The following BSCL2 variants were observed in gnomAD, a reference collection of about 807,000 sequenced individuals.
The protein encoded by BSCL2 is BSCL2 lipid droplet biogenesis associated, seipin.
BSCL2 carries 41 observed loss-of-function variants against 57.4 expected under a neutral mutation model. The ratio of observed to expected loss-of-function variants is 0.71; its 90% CI spans 0.56 to 0.93. BSCL2 has a LOEUF of 0.93. Among genes scored for constraint, BSCL2 ranks in the 40% least tolerant of loss-of-function variants. BSCL2 has a pLI of 0.00. For missense variants in BSCL2, 539 were observed against 586.7 expected (o/e 0.92, Z 0.84); for synonymous variants, 237 against 227.3 (o/e 1.04, Z -0.38).
At chr11:62,708,251 C>A, upstream of BSCL2, 1 of 1,241,386 alleles carries the variant, frequency 8.1e-7, no homozygotes, top group Non-Finnish European at 1.2e-6. Flanking sequence ...TGGAGGGGGG[C>A]CTCCAGCTGA....
chr11:62,694,670 AAGC>A lies in BSCL2; in HGVS notation c.525_527del (p.Glu175_Leu176delinsAsp). 6.2e-7 allele frequency: 1 copy of A among 1,613,838 alleles called. No individual in the cohort carries two copies. On this transcript the variant is annotated inframe_deletion, in exon 4 of 11. Coordinates refer to ENST00000360796, the MANE Select transcript of BSCL2 (RefSeq NM_001122955.4). ...GATTCACAGGGGACTCTGGCAGCTC[AAGC>A]TCTAAGGTAACACGATACGGCTGTC...
At position 62,698,038 on chromosome 11, in the gene BSCL2, G is replaced by C. The variant is rs546739635; in HGVS notation, c.487-3327C>G. Among the ~76,000 whole-genome samples, 415 of 150,860 alleles carry C rather than the reference G, an allele frequency of 2.8e-3. 3 individuals carry two copies. Among genetic ancestry groups the C allele is most frequent in the Middle Eastern group, 6.9e-3 (2 of 288 alleles). ...TTCTCCTGCCTCAGTCTCCCGAGTA[G>C]CTAGGACTACAGGCGCCCGCCACCA... On this transcript the variant is annotated intron_variant, in intron 3 of 10. Coordinates refer to ENST00000360796, the MANE Select transcript of BSCL2 (RefSeq NM_001122955.4).
At position 62,702,485 on chromosome 11, in the gene BSCL2, TAGTC is replaced by T; in HGVS notation, c.465_468del (p.Thr156ArgfsTer8). The T allele has an allele frequency of 3.7e-6, 6 of 1,612,652 alleles. No individual in the cohort carries two copies. Among genetic ancestry groups the T allele is most frequent in the Non-Finnish European group, 4.2e-6 (5 of 1,178,972 alleles). ...ATACTCACCCGATCACGTCCACCCT[TAGTC>T]AGCGAGACATTGGCAACAGGGAAGG... On this transcript the variant is annotated frameshift_variant, in exon 3 of 11. Coordinates refer to ENST00000360796, the MANE Select transcript of BSCL2 (RefSeq NM_001122955.4). LOFTEE classifies it high-confidence loss of function.
intron 6 of BSCL2, among the ~76,000 whole-genome samples, chr11:62,691,852 C>T (rs1945318852): frequency 6.6e-6 from 1 of 152,130 alleles, no homozygotes; most frequent in Admixed American, 6.5e-5. Flanking sequence ...AGATTGAGAC[C>T]ATCCTGGCTA....
intron 2 of BSCL2, among the ~76,000 whole-genome samples, chr11:62,703,781 C>T (rs745579664): frequency 5.3e-5 from 8 of 151,972 alleles, no homozygotes; most frequent in Admixed American, 2.6e-4. Flanking sequence ...TTGATTATAA[C>T]GCCCTTCTCT....
intron 2 of BSCL2, among the ~76,000 whole-genome samples, chr11:62,704,814 C>T (rs1945768284): frequency 6.6e-6 from 1 of 152,174 alleles, no homozygotes; most frequent in Non-Finnish European, 1.5e-5. Context: ...CCAGTCAAGA[C>T]GCAAGACTCT....
chr11:62,694,694 C>T lies in BSCL2; in HGVS notation c.504G>A (p.Gln168=), dbSNP rs1225920604. The T allele has an allele frequency of 8.7e-6, 14 of 1,614,140 alleles. No individual in the cohort carries two copies. Among genetic ancestry groups the T allele is most frequent in the Non-Finnish European group, 1.2e-5 (14 of 1,180,014 alleles). ...CAAGCTCTAAGGTAACACGATACGGCTGTCCATACATCAGCACCTGCCAAA... is the reference window on the plus strand; with the variant it reads ...CAAGCTCTAAGGTAACACGATACGGTTGTCCATACATCAGCACCTGCCAAA... ...GGRDRVLMYG[Q]PYRVTLELEL... The change falls in exon 4 of 11, where the codon CAG becomes CAA. Residue 168 remains glutamine (Q), a synonymous_variant. Transcript: ENST00000360796.
intron 4 of BSCL2, among the ~76,000 whole-genome samples, chr11:62,693,295 G>C (rs1314373999): frequency 6.6e-6 from 1 of 152,072 alleles, no homozygotes; most frequent in African/African-American, 2.4e-5. Context: ...TTTGAGATCA[G>C]GAGTTCGAGA....
chr11:62,704,007 G>A (rs1945733384), intron 2 of BSCL2, among the ~76,000 whole-genome samples: 1 of 151,346 alleles, frequency 6.6e-6, no homozygotes, highest in Non-Finnish European at 1.5e-5. Flanking sequence ...TGTAATCCCA[G>A]TTACTTGGGA....
chr11:62,706,801 C>T, intron 1 of BSCL2: 2 of 575,722 alleles, frequency 3.5e-6, no homozygotes, highest in Non-Finnish European at 6.6e-6. Flanking sequence ...GTGCCCTGTT[C>T]CCAGCGTGGT....
At chr11:62,700,184 C>A (rs1035817427) in intron 3 of BSCL2, among the ~76,000 whole-genome samples, 1 of 150,616 alleles carries the variant, frequency 6.6e-6, no homozygotes, top group Non-Finnish European at 1.5e-5. Flanking sequence ...AAGGCTGCAG[C>A]GAGCCGTGAT....
In BSCL2 at chr11:62,707,150, C is replaced by A. The variant is rs1170183404; in HGVS notation, c.46G>T (p.Glu16Ter). The A allele has an allele frequency of 1.3e-6, 2 of 1,554,742 alleles. No homozygotes were observed. Among genetic ancestry groups the A allele is most frequent in the Non-Finnish European group, 1.7e-6 (2 of 1,147,874 alleles). Reference protein sequence around the residue: ...VDQKEEAGEKEVCGDQIKGPD... With the variant: ...VDQKEEAGEK ...CCTTTGATCTGGTCTCCGCACACCT[C>A]TTTTTCCCCAGCTTCCTCCTTTTGG... Residue 16 changes from glutamate to a stop codon, truncating the protein, a stop_gained, in exon 1 of 11, where the codon GAG becomes TAG. Coordinates refer to ENST00000360796, the MANE Select transcript of BSCL2 (RefSeq NM_001122955.4). LOFTEE classifies it high-confidence loss of function.
intron 3 of BSCL2, among the ~76,000 whole-genome samples, chr11:62,702,184 A>G (rs774490406): frequency 2.0e-5 from 3 of 151,368 alleles, no homozygotes; most frequent in Non-Finnish European, 4.4e-5. Context: ...CTCCTGCCTC[A>G]GCCTCCCAAG....
rs1035925033 is a variant in BSCL2 at position 62,706,401 on chromosome 11, G to T, written c.87+708C>A. On this transcript the variant is annotated intron_variant, in intron 1 of 10. Coordinates refer to ENST00000360796, the MANE Select transcript of BSCL2 (RefSeq NM_001122955.4). ...GGGTCCAGCACGGCGGGGCGGGGCGGGACGGGGCGGAGCCTTCCCGAGCTG... is the reference window on the plus strand; with the variant it reads ...GGGTCCAGCACGGCGGGGCGGGGCGTGACGGGGCGGAGCCTTCCCGAGCTG... The T allele has an allele frequency of 4.1e-6, 3 of 734,498 alleles. No homozygotes were observed. In the African/African-American group the frequency reaches 5.7e-5, roughly 14 times the overall value. The allele number at this position is 734,498 out of a possible 1,614,324, so 45.5% of individuals were successfully genotyped here.
intron 3 of BSCL2, among the ~76,000 whole-genome samples, chr11:62,701,594 T>G (rs1945640068): frequency 6.6e-6 from 1 of 152,058 alleles, no homozygotes; most frequent in African/African-American, 2.4e-5. Flanking sequence ...TCCCAGCACT[T>G]TGGGAGGCGG....
upstream of BSCL2, chr11:62,709,070 C>G (rs1487862971): frequency 2.0e-6 from 1 of 493,824 alleles, no homozygotes; most frequent in South Asian, 1.8e-5. Flanking sequence ...ACTCTGCCAG[C>G]GCGTCCTGCC....
intron 3 of BSCL2, among the ~76,000 whole-genome samples, chr11:62,701,611 C>G (rs1945640549): frequency 6.6e-6 from 1 of 152,040 alleles, no homozygotes; most frequent in Non-Finnish European, 1.5e-5. Context: ...GCGGGCAGAT[C>G]ACAAGGTCAA....
intron 2 of BSCL2, among the ~76,000 whole-genome samples, chr11:62,703,213 T>G (rs924996407): frequency 2.0e-5 from 3 of 151,498 alleles, no homozygotes; most frequent in Non-Finnish European, 4.4e-5. Context: ...GTAGCTCTGG[T>G]CTGGGTCCTA....
intron 3 of BSCL2, among the ~76,000 whole-genome samples, chr11:62,699,637 T>C (rs1236962428): frequency 6.6e-6 from 1 of 151,724 alleles, no homozygotes; most frequent in African/African-American, 2.4e-5. Flanking sequence ...GCCCAGGAGT[T>C]TGAGACCAGC....
Sources: allele counts gnomAD v4.1 joint callset (sites outside exome capture counted in the v4.1 genomes callset), GRCh38; gene constraint gnomAD v4.1.1; transcripts MANE v1.5; gene names NCBI Gene and HGNC (gene_info 2026-07-23, HGNC 2026-07-21).